HTR1F: variants seen among roughly 807,000 people sequenced by gnomAD.
HTR1F encodes the protein 5-hydroxytryptamine receptor 1F.
In HTR1F, 17 loss-of-function variants were observed where a neutral mutation model predicts 24.0. That is an observed-to-expected ratio of 0.71 (90% CI 0.48 to 1.06). The LOEUF (loss-of-function observed/expected upper bound fraction) is 1.06, where lower values mean the gene tolerates loss of function less well. Among genes scored for constraint, HTR1F ranks in the 50% least tolerant of loss-of-function variants. The pLI is 0.00. For missense variants in HTR1F, 391 were observed against 427.8 expected, an observed-to-expected ratio of 0.91 and a Z score of 0.76; for synonymous variants, 186 against 156.8, an observed-to-expected ratio of 1.19 and a Z score of -1.39.
At position 87,822,562 on chromosome 3, in the gene HTR1F, A is replaced by C. The variant is rs369215855; in HGVS notation, c.-43+438A>C. Among the ~76,000 whole-genome samples, 18 of 152,320 alleles carry C rather than the reference A, an allele frequency of 1.2e-4. No homozygotes were observed. The East Asian group carries it at 2.9e-3, about 24-fold the overall frequency. ...AATGTTTTCTTTTATATAATTTGGC[A>C]GGGTGATAACTATCCTCAGTGGGAT... On this transcript the variant is annotated intron_variant, in intron 2 of 2. Coordinates refer to ENST00000319595, the MANE Select transcript of HTR1F (RefSeq NM_001322209.2).
chr3:87,934,920 C>T (rs1337007729), intron 2 of HTR1F, among the ~76,000 whole-genome samples: 1 of 152,182 alleles, frequency 6.6e-6, no homozygotes, highest in Non-Finnish European at 1.5e-5. Context: ...AGCTAGAGTG[C>T]AGTGGCATCA....
At chr3:87,866,134 A>G (rs1477750536) in intron 2 of HTR1F, among the ~76,000 whole-genome samples, 1 of 152,230 alleles carries the variant, frequency 6.6e-6, no homozygotes, top group African/African-American at 2.4e-5. Context: ...AACATTTTGT[A>G]AAATAATTTC....
intron 1 of HTR1F, among the ~76,000 whole-genome samples, chr3:87,806,656 T>C (rs1704079143): frequency 6.6e-6 from 1 of 152,062 alleles, no homozygotes; most frequent in Non-Finnish European, 1.5e-5. Context: ...AGTTTTAGTT[T>C]AATATAGTCC....
intron 2 of HTR1F, among the ~76,000 whole-genome samples, chr3:87,932,740 C>T (rs941177446): frequency 6.6e-6 from 1 of 151,412 alleles, no homozygotes; most frequent in South Asian, 2.1e-4. Context: ...GAGTCCAGGA[C>T]CAGATGGACT....
rs1216416061 is a variant in HTR1F, at chr3:87,850,099, C to T, written c.-43+27975C>T. ...GAAATACCGTTTGACCCAGCCATCCCATTACTGGGTATATACCCAAAGGAT... is the reference window on the plus strand; with the variant it reads ...GAAATACCGTTTGACCCAGCCATCCTATTACTGGGTATATACCCAAAGGAT... On this transcript the variant is annotated intron_variant, in intron 2 of 2. Coordinates refer to ENST00000319595, the MANE Select transcript of HTR1F (RefSeq NM_001322209.2). Among the ~76,000 whole-genome samples, 4 of 151,906 alleles carry T rather than the reference C, an allele frequency of 2.6e-5. 1 individual carries two copies. Among genetic ancestry groups the T allele is most frequent in the African/African-American group, 9.7e-5 (4 of 41,194 alleles).
chr3:87,881,764 A>G (rs920715140), intron 2 of HTR1F, among the ~76,000 whole-genome samples: 2 of 152,222 alleles, frequency 1.3e-5, no homozygotes, highest in Non-Finnish European at 2.9e-5. Flanking sequence ...ACCCTAGAAG[A>G]AAACCTAGGC....
At chr3:87,874,536 A>G (rs1243553489) in intron 2 of HTR1F, among the ~76,000 whole-genome samples, 1 of 152,098 alleles carries the variant, frequency 6.6e-6, no homozygotes, top group East Asian at 1.9e-4. Context: ...GAATTAAAAG[A>G]TTTATTAATA....
chr3:87,822,119 A>G lies in HTR1F; in HGVS notation c.-48A>G, dbSNP rs6781824. Among the ~76,000 whole-genome samples, 3 of 152,164 alleles carry G rather than the reference A, an allele frequency of 2.0e-5. No individual in the cohort carries two copies. The highest frequency in any genetic ancestry group is 4.4e-5 in the Non-Finnish European group (3 of 68,036). ...GAAAACCCACAATTCAATCTACCAC[A>G]GTATGGTAAGCATTCCCAGCTTTAA... is the stretch of plus-strand genomic sequence containing the variant. On this transcript the variant is annotated 5_prime_UTR_variant, in exon 2 of 3. Transcript: ENST00000319595.
intron 2 of HTR1F, among the ~76,000 whole-genome samples, chr3:87,899,660 C>T (rs569238582): frequency 5.9e-5 from 9 of 152,038 alleles, no homozygotes; most frequent in African/African-American, 1.9e-4. Context: ...GTGAGGAGTT[C>T]GAGACCAGAC....
chr3:87,798,285 G>C (rs1357140521), intron 1 of HTR1F, among the ~76,000 whole-genome samples: 1 of 151,968 alleles, frequency 6.6e-6, no homozygotes, highest in African/African-American at 2.4e-5. Context: ...TCCAACTCCT[G>C]TATGTCTATC....
intron 2 of HTR1F, among the ~76,000 whole-genome samples, chr3:87,864,827 C>T (rs1350939276): frequency 6.9e-6 from 1 of 144,668 alleles, no homozygotes; most frequent in Admixed American, 7.1e-5. Flanking sequence ...ACCTGGGAGG[C>T]AAAGGTTGCA....
intron 2 of HTR1F, among the ~76,000 whole-genome samples, chr3:87,864,329 C>T (rs1483944842): frequency 6.6e-6 from 1 of 152,182 alleles, no homozygotes; most frequent in African/African-American, 2.4e-5. Flanking sequence ...GCCCAAATCT[C>T]AGTTCACTCC....
intron 2 of HTR1F, among the ~76,000 whole-genome samples, chr3:87,960,322 A>G (rs1408665174): frequency 6.6e-6 from 1 of 152,158 alleles, no homozygotes; most frequent in Non-Finnish European, 1.5e-5. Flanking sequence ...AGAAGTGGTC[A>G]TTGTAAGTAT....
chr3:87,826,189 A>G (rs1307630614), intron 2 of HTR1F, among the ~76,000 whole-genome samples: 3 of 152,170 alleles, frequency 2.0e-5, no homozygotes, highest in Admixed American at 1.3e-4. Flanking sequence ...TTGGGGACCA[A>G]GGATATCTTT....
chr3:87,883,457 T>G (rs924726386), intron 2 of HTR1F, among the ~76,000 whole-genome samples: 1 of 152,040 alleles, frequency 6.6e-6, no homozygotes, highest in Non-Finnish European at 1.5e-5. Context: ...AGAACAAAGC[T>G]GGATGGAGAA....
intron 2 of HTR1F, among the ~76,000 whole-genome samples, chr3:87,900,300 T>C (rs1706292659): frequency 6.6e-6 from 1 of 152,188 alleles, no homozygotes; most frequent in South Asian, 2.1e-4. Context: ...AATGAACTTT[T>C]AAGGCAGCAG....
chr3:87,839,008 T>TTTA (rs1559600479), intron 2 of HTR1F, among the ~76,000 whole-genome samples: 5 of 101,220 alleles, frequency 4.9e-5, no homozygotes, highest in African/African-American at 2.1e-4. Flanking sequence ...TATTTATTTA[T>TTTA]TTTATTTTTA....
chr3:87,989,212 A>G (rs1387928169), intron 2 of HTR1F, among the ~76,000 whole-genome samples: 1 of 152,246 alleles, frequency 6.6e-6, no homozygotes, highest in Non-Finnish European at 1.5e-5. Context: ...TGTAATTAAT[A>G]TAATGGACTA....
intron 2 of HTR1F, among the ~76,000 whole-genome samples, chr3:87,849,912 C>G (rs1306897728): frequency 6.6e-6 from 1 of 151,902 alleles, no homozygotes; most frequent in Non-Finnish European, 1.5e-5. Context: ...AATGAGATAC[C>G]ATCTCACACC....
Sources: allele counts gnomAD v4.1 joint callset (sites outside exome capture counted in the v4.1 genomes callset), GRCh38; gene constraint gnomAD v4.1.1; transcripts MANE v1.5; gene names NCBI Gene and HGNC (gene_info 2026-07-23, HGNC 2026-07-21).